Variants in STPG4 observed in about 807,000 individuals in gnomAD.
The protein encoded by STPG4 is sperm-tail PG-rich repeat containing 4.
Under a neutral mutation model 31.5 loss-of-function variants are expected in STPG4, and 41 were observed. The ratio of observed to expected loss-of-function variants is 1.30; its 90% CI spans 1.01 to 1.69. The LOEUF (loss-of-function observed/expected upper bound fraction) is 1.69. Among genes scored for constraint, STPG4 ranks in the 40% most tolerant of loss-of-function variants. The pLI is 0.00. For missense variants in STPG4, 375 were observed against 293.4 expected, an observed-to-expected ratio of 1.28 and a Z score of -2.03; for synonymous variants, 141 against 103.0, an observed-to-expected ratio of 1.37 and a Z score of -2.24.
At chr2:47,118,564 T>C (rs946263220) in intron 5 of STPG4, among the ~76,000 whole-genome samples, 1 of 152,188 alleles carries the variant, frequency 6.6e-6, no homozygotes, top group Non-Finnish European at 1.5e-5. Context: ...AAAACTGTCT[T>C]CTGTGAAACC....
At chr2:47,087,336 G>C (rs992421347) in intron 6 of STPG4, among the ~76,000 whole-genome samples, 2 of 152,246 alleles carry the variant, frequency 1.3e-5, no homozygotes, top group Non-Finnish European at 2.9e-5. Context: ...GGCTCATCAT[G>C]AGGCTGGAGG....
chr2:47,111,338 T>G (rs1686033173), intron 5 of STPG4, among the ~76,000 whole-genome samples: 1 of 152,214 alleles, frequency 6.6e-6, no homozygotes. Context: ...GTGCAGAGTA[T>G]CTGATATCCT....
intron 5 of STPG4, among the ~76,000 whole-genome samples, chr2:47,116,795 A>T (rs1686162512): frequency 6.6e-6 from 1 of 152,200 alleles, no homozygotes; most frequent in African/African-American, 2.4e-5. Context: ...GGACATGTGA[A>T]AAGGCAAAAT....
At chr2:47,127,798 A>G (rs1686394293) in intron 5 of STPG4, among the ~76,000 whole-genome samples, 1 of 152,116 alleles carries the variant, frequency 6.6e-6, no homozygotes, top group African/African-American at 2.4e-5. Flanking sequence ...GTCTGTCTGA[A>G]AGGTCACATA....
intron 3 of STPG4, among the ~76,000 whole-genome samples, chr2:47,133,338 T>C (rs2103784503): frequency 6.6e-6 from 1 of 151,930 alleles, no homozygotes; most frequent in South Asian, 2.1e-4. Context: ...AGCTATTTTT[T>C]AAAATTATTG....
intron 5 of STPG4, among the ~76,000 whole-genome samples, chr2:47,114,004 G>A (rs1265106639): frequency 1.3e-5 from 2 of 150,494 alleles, no homozygotes; most frequent in Non-Finnish European, 3.0e-5. Context: ...ACTCCAGCCT[G>A]GGCGACAAAG....
intron 5 of STPG4, among the ~76,000 whole-genome samples, chr2:47,098,298 T>C (rs984522051): frequency 6.6e-6 from 1 of 152,210 alleles, no homozygotes; most frequent in African/African-American, 2.4e-5. Flanking sequence ...CCATCTCTAC[T>C]TCACAGCATT....
intron 3 of STPG4, among the ~76,000 whole-genome samples, chr2:47,150,834 T>C (rs1686920385): frequency 1.3e-5 from 2 of 152,122 alleles, no homozygotes; most frequent in Non-Finnish European, 2.9e-5. Flanking sequence ...AGAAAAGTTT[T>C]TAAAAGCTTC....
chr2:47,134,149 G>A (rs527883877), intron 3 of STPG4, among the ~76,000 whole-genome samples: 13 of 152,088 alleles, frequency 8.5e-5, no homozygotes, highest in Admixed American at 5.2e-4. Context: ...CCACACATGC[G>A]TAACCTCCAT....
intron 5 of STPG4, among the ~76,000 whole-genome samples, chr2:47,116,961 C>G (rs534158524): frequency 6.6e-6 from 1 of 152,070 alleles, no homozygotes; most frequent in African/African-American, 2.4e-5. Context: ...TAATGAATAC[C>G]TTATGGAAAG....
chr2:47,109,441 C>A (rs979767583), intron 5 of STPG4, among the ~76,000 whole-genome samples: 1 of 151,862 alleles, frequency 6.6e-6, no homozygotes, highest in Non-Finnish European at 1.5e-5. Context: ...CCTGTAATCC[C>A]AGCTACTGGG....
chr2:47,132,843 T>G (rs1179489091), intron 3 of STPG4, among the ~76,000 whole-genome samples: 2 of 152,204 alleles, frequency 1.3e-5, no homozygotes, highest in East Asian at 1.9e-4. Flanking sequence ...AAAAACCTCT[T>G]AAAGCAGTCA....
intron 5 of STPG4, among the ~76,000 whole-genome samples, chr2:47,125,135 T>C (rs1488331213): frequency 6.6e-6 from 1 of 152,100 alleles, no homozygotes; most frequent in Non-Finnish European, 1.5e-5. Flanking sequence ...TTTTTTCCTA[T>C]TGAGGTTGGG....
intron 5 of STPG4, among the ~76,000 whole-genome samples, chr2:47,128,052 T>C (rs1187512287): frequency 2.0e-5 from 3 of 152,164 alleles, no homozygotes; most frequent in African/African-American, 7.2e-5. Context: ...GTGTCTGCAT[T>C]AGAGGGCACC....
chr2:47,150,308 T>C (rs2103806701), intron 3 of STPG4, among the ~76,000 whole-genome samples: 1 of 152,322 alleles, frequency 6.6e-6, no homozygotes, highest in South Asian at 2.1e-4. Context: ...CCAGCTCCAC[T>C]ATTTATCTGA....
chr2:47,138,739 G>A (rs534596885), intron 3 of STPG4, among the ~76,000 whole-genome samples: 2 of 152,268 alleles, frequency 1.3e-5, no homozygotes, highest in South Asian at 2.1e-4. Flanking sequence ...TAGTAGAGAC[G>A]GGGTTTCACC....
chr2:47,125,112 C>T (rs944793287), intron 5 of STPG4, among the ~76,000 whole-genome samples: 8 of 152,126 alleles, frequency 5.3e-5, no homozygotes, highest in African/African-American at 1.9e-4. Flanking sequence ...ATTTTTTAAA[C>T]AAATTATTAG....
intron 5 of STPG4, chr2:47,121,171 G>A (rs1686266548): frequency 6.5e-6 from 1 of 154,216 alleles, no homozygotes; most frequent in South Asian, 2.0e-4. Context: ...CAGAAGGTCT[G>A]GTTGAATATT....
intron 5 of STPG4, among the ~76,000 whole-genome samples, chr2:47,104,259 C>A (rs974733197): frequency 6.6e-6 from 1 of 151,928 alleles, no homozygotes; most frequent in Non-Finnish European, 1.5e-5. Flanking sequence ...AGCAATATCC[C>A]CTAAGGCATG....
Sources: gnomAD v4.1 joint callset for allele counts (sites outside exome capture counted in the v4.1 genomes callset) on GRCh38, gnomAD v4.1.1 for gene constraint, MANE v1.5 for transcripts, NCBI Gene and HGNC (gene_info 2026-07-23, HGNC 2026-07-21) for gene names.